Variants in DPH6 observed in about 807,000 individuals in gnomAD.
DPH6 encodes the protein diphthine--ammonia ligase.
A neutral mutation model predicts 38.2 loss-of-function variants in DPH6; 33 were observed. The observed-to-expected ratio is 0.86, with a 90% CI of 0.65 to 1.15. The LOEUF (loss-of-function observed/expected upper bound fraction) is 1.15, where lower values mean the gene tolerates loss of function less well. DPH6 is among the 50% of genes most tolerant of loss of function. The pLI, the probability that DPH6 is intolerant of heterozygous loss-of-function variation, is 0.00. For missense variants in DPH6, 325 were observed against 320.0 expected (o/e 1.02, Z -0.12); for synonymous variants, 108 against 103.0 (o/e 1.05, Z -0.30).
At chr15:35,296,508 T>C (rs1208308700) in intron 3 of DPH6, among the ~76,000 whole-genome samples, 4 of 152,152 alleles carry the variant, frequency 2.6e-5, no homozygotes, top group Non-Finnish European at 5.9e-5. Context: ...CTAGGCTCTA[T>C]CACTTTAATC....
chr15:35,328,259 C>T (rs1316797964), downstream of DPH6, among the ~76,000 whole-genome samples: 1 of 152,124 alleles, frequency 6.6e-6, no homozygotes, highest in Non-Finnish European at 1.5e-5. Context: ...CCCTGACAGG[C>T]CCCGTTTTTC....
chr15:35,227,548 A>C (rs1208994469), intron 3 of DPH6, among the ~76,000 whole-genome samples: 2 of 151,736 alleles, frequency 1.3e-5, no homozygotes, highest in Admixed American at 6.6e-5. Context: ...AGTCTGGCTA[A>C]AGGTTTGTCA....
At chr15:35,171,811 T>G in the DPH6 span, among the ~76,000 whole-genome samples, 1 of 151,946 alleles carries the variant, frequency 6.6e-6, no homozygotes, top group Non-Finnish European at 1.5e-5. Flanking sequence ...ATGCTTTGTA[T>G]ACACATTACA....
intron 3 of DPH6, chr15:35,237,632 C>A (rs2051563497): frequency 2.8e-5 from 45 of 1,611,518 alleles, no homozygotes; most frequent in Middle Eastern, 1.6e-4. Context: ...AATTAAAGAC[C>A]TCAGCACAAC....
At chr15:35,146,722 T>C in the DPH6 span, among the ~76,000 whole-genome samples, 1 of 152,170 alleles carries the variant, frequency 6.6e-6, no homozygotes, top group East Asian at 1.9e-4. Flanking sequence ...TTTATTATCA[T>C]TGTGTCTGGG....
intron 3 of DPH6, among the ~76,000 whole-genome samples, chr15:35,284,320 C>G (rs2051923156): frequency 6.6e-6 from 1 of 152,132 alleles, no homozygotes; most frequent in Non-Finnish European, 1.5e-5. Context: ...GAGGAATAAA[C>G]TTAACCTGTG....
intron 3 of DPH6, among the ~76,000 whole-genome samples, chr15:35,354,427 T>C (rs1338908958): frequency 2.0e-5 from 3 of 152,214 alleles, no homozygotes; most frequent in Non-Finnish European, 4.4e-5. Flanking sequence ...TTGTCATAGA[T>C]AGCTCTTATT....
chr15:35,209,499 G>A, the DPH6 span, among the ~76,000 whole-genome samples: 1 of 152,092 alleles, frequency 6.6e-6, no homozygotes, highest in Non-Finnish European at 1.5e-5. Context: ...TTAGAAGAAT[G>A]GAAAAAATGT....
chr15:35,370,395 G>A (rs1048488304), downstream of DPH6, among the ~76,000 whole-genome samples: 9 of 151,762 alleles, frequency 5.9e-5, no homozygotes, highest in Non-Finnish European at 1.3e-4. Context: ...TTAAGAGAAT[G>A]AAAAGACAAA....
chr15:35,535,568 T>C (rs1312156729), intron 3 of DPH6, among the ~76,000 whole-genome samples: 1 of 152,184 alleles, frequency 6.6e-6, no homozygotes, highest in Non-Finnish European at 1.5e-5. Context: ...TTTCTGTAAC[T>C]ATTACACTGC....
rs1264097183 is a variant in DPH6 at position 35,372,197 on chromosome 15, A to G, written c.757T>C (p.Ser253Pro). 2.0e-6 allele frequency: 3 copies of G among 1,491,250 alleles called. No homozygotes were observed. The highest frequency in any genetic ancestry group is 2.6e-5 in the Admixed American group (1 of 38,396). The allele number at this position is 1,491,250 out of a possible 1,614,324, so 92.4% of individuals were successfully genotyped here. The change falls in exon 9 of 9, where the codon TCA becomes CCA. Residue 253 changes from serine (S) to proline (P), a missense_variant. By Grantham distance (74) the Ser-to-Pro change is moderately conservative (BLOSUM62 -1). Transcript: ENST00000256538. The stretch of plus-strand genomic sequence containing the variant: ...GATGTTCTGTAGTTGTCAGGCACTG[A>G]GGACACCTAAAAAAAAAAGGGAAGG... ...LELHLEDKVSSVPDNYRTSNY... is the reference protein window; with the variant it reads ...LELHLEDKVSPVPDNYRTSNY...
At chr15:35,363,683 A>G in intron 3 of DPH6, among the ~76,000 whole-genome samples, 1 of 151,868 alleles carries the variant, frequency 6.6e-6, no homozygotes, top group Non-Finnish European at 1.5e-5. Context: ...TAGTTGCTCT[A>G]TGTTTATTTT....
At chr15:35,545,596 G>A (rs2055335127) in intron 1 of DPH6, among the ~76,000 whole-genome samples, 1 of 152,220 alleles carries the variant, frequency 6.6e-6, no homozygotes, top group African/African-American at 2.4e-5. Context: ...TGGACTTCTT[G>A]GGATGGGCGG....
At chr15:35,213,840 C>G (rs145479388), downstream of DPH6, among the ~76,000 whole-genome samples, 1 of 152,268 alleles carries the variant, frequency 6.6e-6, no homozygotes, top group East Asian at 1.9e-4. Context: ...AGGCCGGGCG[C>G]GGTGGCTCAC....
chr15:35,176,769 C>A, the DPH6 span, among the ~76,000 whole-genome samples: 39 of 152,280 alleles, frequency 2.6e-4, no homozygotes, highest in Non-Finnish European at 5.0e-4. Flanking sequence ...CCGTGCCTGG[C>A]CTGTAAGGTC....
At chr15:35,335,035 C>T (rs1239738011) in intron 3 of DPH6, among the ~76,000 whole-genome samples, 1 of 152,002 alleles carries the variant, frequency 6.6e-6, no homozygotes, top group Non-Finnish European at 1.5e-5. Context: ...TAAAAGCATT[C>T]CTTTTTCTCC....
chr15:35,449,587 A>T (rs1235917806), intron 5 of DPH6, among the ~76,000 whole-genome samples: 1 of 152,098 alleles, frequency 6.6e-6, no homozygotes, highest in African/African-American at 2.4e-5. Flanking sequence ...ACAAAGAAAA[A>T]GCAAGAGGGA....
intron 6 of DPH6, among the ~76,000 whole-genome samples, chr15:35,400,155 G>A (rs966438369): frequency 5.3e-5 from 8 of 152,130 alleles, no homozygotes; most frequent in Non-Finnish European, 1.0e-4. Context: ...TGAGTGTAGC[G>A]CTGAATTTGT....
chr15:35,493,387 A>G (rs888694288), intron 3 of DPH6, among the ~76,000 whole-genome samples: 1 of 152,134 alleles, frequency 6.6e-6, no homozygotes, highest in Non-Finnish European at 1.5e-5. Flanking sequence ...AATGAAAAAG[A>G]GCAGAAAGCA....
Sources: allele counts gnomAD v4.1 joint callset (sites outside exome capture counted in the v4.1 genomes callset), GRCh38; gene constraint gnomAD v4.1.1; transcripts MANE v1.5; gene names NCBI Gene and HGNC (gene_info 2026-07-23, HGNC 2026-07-21).